The following PDIA6 variants were observed in gnomAD, a reference collection of about 807,000 sequenced individuals.
PDIA6 encodes the protein protein disulfide-isomerase A6.
A neutral mutation model predicts 58.4 loss-of-function variants in PDIA6; 29 were observed. The observed-to-expected ratio is 0.50, with a 90% CI of 0.37 to 0.68. PDIA6 has a LOEUF of 0.68. Among genes scored for constraint, PDIA6 ranks in the 30% least tolerant of loss-of-function variants. The pLI, the probability that PDIA6 is intolerant of heterozygous loss-of-function variation, is 0.00. For synonymous variants in PDIA6, 192 were observed against 202.6 expected, an observed-to-expected ratio of 0.95 and a Z score of 0.44; for missense variants, 480 against 551.0, an observed-to-expected ratio of 0.87 and a Z score of 1.29.
At chr2:10,812,039 T>A (rs534847493) in intron 1 of PDIA6, among the ~76,000 whole-genome samples, 27 of 152,048 alleles carry the variant, frequency 1.8e-4, no homozygotes, top group Non-Finnish European at 3.2e-4. Flanking sequence ...GCCTTCTGAG[T>A]AGCTGGGATC....
intron 1 of PDIA6, chr2:10,810,522 A>AT (rs1458712138): frequency 8.9e-7 from 1 of 1,124,712 alleles, no homozygotes; most frequent in Non-Finnish European, 1.1e-6. Flanking sequence ...GACTTGGGTT[A>AT]TTCTTTTTTC....
At chr2:10,835,968 T>C (rs1002989381), upstream of PDIA6, among the ~76,000 whole-genome samples, 85 of 152,048 alleles carry the variant, frequency 5.6e-4, no homozygotes, top group Admixed American at 5.4e-3. Context: ...AGAGAATCAC[T>C]TGAACCCGGG....
chr2:10,823,638 C>G (rs72779469), intron 1 of PDIA6, among the ~76,000 whole-genome samples: 39,150 of 152,110 alleles, frequency 0.26, 5,323 homozygotes, highest in African/African-American at 0.28. Flanking sequence ...CTCACAATTG[C>G]CACCACCTTG....
chr2:10,810,524 T>C, intron 1 of PDIA6: 1 of 1,110,438 alleles, frequency 9.0e-7, no homozygotes, highest in East Asian at 3.6e-5. Flanking sequence ...CTTGGGTTAT[T>C]CTTTTTTCTA....
chr2:10,791,933 TTA>T lies in PDIA6; in HGVS notation c.454-10_454-9del, dbSNP rs776940047. Reference sequence around the variant, plus strand: ...TGAACTATCACTTCTGCCCTGTCATTTATGACATTAAACATCAAACAATTGGG... The same window carrying T: ...TGAACTATCACTTCTGCCCTGTCATTTGACATTAAACATCAAACAATTGGG... On this transcript the variant is annotated splice_polypyrimidine_tract_variant and intron_variant, in intron 5 of 12. Coordinates refer to ENST00000272227, the MANE Select transcript of PDIA6 (RefSeq NM_005742.4). The T allele has an allele frequency of 3.2e-5, 52 of 1,612,228 alleles. No individual in the cohort carries two copies. Among genetic ancestry groups the T allele is most frequent in the Middle Eastern group, 1.6e-4 (1 of 6,078 alleles).
intron 1 of PDIA6, among the ~76,000 whole-genome samples, chr2:10,806,025 TA>T (rs80344702): frequency 0.057 from 4,056 of 71,194 alleles, 151 homozygotes; most frequent in African/African-American, 0.11. Context: ...AAAGTATAAT[TA>T]AAAAAAAAAA....
intron 2 of PDIA6, among the ~76,000 whole-genome samples, 156 bp downstream of exon 2, chr2:10,802,343 C>G (rs1166759830): frequency 6.6e-6 from 1 of 152,180 alleles, no homozygotes; most frequent in Admixed American, 6.5e-5. Context: ...TAACAACAGA[C>G]TAGATACTTT....
At chr2:10,835,400 G>A (rs1667811358), upstream of PDIA6, among the ~76,000 whole-genome samples, 1 of 151,968 alleles carries the variant, frequency 6.6e-6, no homozygotes, top group Admixed American at 6.6e-5. Flanking sequence ...CGTTTCCATC[G>A]CGGGCCTTAT....
intron 1 of PDIA6, among the ~76,000 whole-genome samples, chr2:10,826,485 G>A (rs1330272880): frequency 5.3e-5 from 8 of 151,824 alleles, no homozygotes; most frequent in African/African-American, 1.9e-4. Flanking sequence ...TCAGCCTCCC[G>A]AGTAGCTGGA....
upstream of PDIA6, among the ~76,000 whole-genome samples, chr2:10,837,071 G>T (rs1280455508): frequency 6.6e-6 from 1 of 152,210 alleles, no homozygotes; most frequent in Non-Finnish European, 1.5e-5. Flanking sequence ...CCCCAAATCT[G>T]CCTGGGCTTG....
chr2:10,786,769 TG>T (rs1665781088), intron 11 of PDIA6, among the ~76,000 whole-genome samples: 2 of 152,366 alleles, frequency 1.3e-5, no homozygotes, highest in Non-Finnish European at 2.9e-5. Context: ...TTAGGTGAGC[TG>T]AATAGCAGAG....
intron 1 of PDIA6, among the ~76,000 whole-genome samples, chr2:10,808,882 G>A (rs182977225): frequency 6.6e-6 from 1 of 152,142 alleles, no homozygotes; most frequent in Non-Finnish European, 1.5e-5. Flanking sequence ...CTGGAGTGCA[G>A]TGGTGCAATC....
At chr2:10,793,269 C>CAAA in intron 4 of PDIA6, 67 bp from the exon 5 acceptor site, 1 of 1,039,640 alleles carries the variant, frequency 9.6e-7, no homozygotes, top group Non-Finnish European at 1.5e-6. Flanking sequence ...TGGCCCGGCC[C>CAAA]AAGACTGTGT....
At chr2:10,810,518 G>T in intron 1 of PDIA6, 1 of 1,139,694 alleles carries the variant, frequency 8.8e-7, no homozygotes, top group Non-Finnish European at 1.1e-6. Context: ...GATAGACTTG[G>T]GTTATTCTTT....
chr2:10,787,190 C>G (rs1665806091), intron 11 of PDIA6, 91 bp downstream of exon 11: 2 of 1,054,978 alleles, frequency 1.9e-6, no homozygotes, highest in Non-Finnish European at 2.9e-6. Context: ...CCATTTATTA[C>G]CTGGCTTATA....
chr2:10,815,017 C>T (rs116656569), upstream of PDIA6, among the ~76,000 whole-genome samples: 374 of 152,316 alleles, frequency 2.5e-3, 3 homozygotes, highest in African/African-American at 8.1e-3. Flanking sequence ...TGCTCTGGAC[C>T]GTGGGCTGAA....
rs371456322 is a variant in PDIA6 at position 10,791,382 on chromosome 2, G to A, written c.584+413C>T. On this transcript the variant is annotated intron_variant, in intron 6 of 12. Transcript: ENST00000272227. ...GCTGGTCTCAAAGTCCTGACCTCAA[G>A]TGATCCGCCTGCCTCGGCCTCCCAA... Among the ~76,000 whole-genome samples, 21 of 152,334 alleles carry A rather than the reference G, an allele frequency of 1.4e-4. 1 individual carries two copies. The East Asian group carries it at 1.7e-3, about 13-fold the overall frequency.
chr2:10,789,335 C>T (rs990643523), intron 8 of PDIA6, among the ~76,000 whole-genome samples: 1 of 133,202 alleles, frequency 7.5e-6, no homozygotes, highest in Non-Finnish European at 1.6e-5. Context: ...GGCTCTGTGC[C>T]TCAATTTCCC....
upstream of PDIA6, among the ~76,000 whole-genome samples, chr2:10,832,895 G>A (rs1022758314): frequency 2.0e-5 from 3 of 152,124 alleles, no homozygotes; most frequent in Non-Finnish European, 2.9e-5. Flanking sequence ...GAAAAGGCAA[G>A]GTCGAGGCCA....
Sources: gnomAD v4.1 joint callset for allele counts (sites outside exome capture counted in the v4.1 genomes callset) on GRCh38, gnomAD v4.1.1 for gene constraint, MANE v1.5 for transcripts, NCBI Gene and HGNC (gene_info 2026-07-23, HGNC 2026-07-21) for gene names.